Variants in ZNF385B observed in about 807,000 individuals in gnomAD.
ZNF385B encodes zinc finger protein 533.
Under a neutral mutation model 39.2 loss-of-function variants are expected in ZNF385B, and 23 were observed. The ratio of observed to expected loss-of-function variants is 0.59; its 90% CI spans 0.42 to 0.83. The LOEUF (loss-of-function observed/expected upper bound fraction) is 0.83, where lower values mean the gene tolerates loss of function less well. Among genes scored for constraint, ZNF385B ranks in the 40% least tolerant of loss-of-function variants. The probability of loss-of-function intolerance (pLI) is 0.00; values close to 1 mark genes in which losing one functional copy is unlikely to be tolerated. For missense variants in ZNF385B, 552 were observed against 598.9 expected (o/e 0.92, Z 0.82); for synonymous variants, 205 against 222.6 (o/e 0.92, Z 0.70).
intron 5 of ZNF385B, among the ~76,000 whole-genome samples, chr2:179,487,641 C>A (rs1313151556): frequency 2.6e-5 from 4 of 152,188 alleles, no homozygotes; most frequent in African/African-American, 4.8e-5. Flanking sequence ...TGTGACACTT[C>A]TAAGAGACTA....
At chr2:179,510,556 A>G (rs957628577) in intron 5 of ZNF385B, among the ~76,000 whole-genome samples, 1 of 152,156 alleles carries the variant, frequency 6.6e-6, no homozygotes, top group Non-Finnish European at 1.5e-5. Flanking sequence ...TTATTTTTTA[A>G]ATAGTATGTT....
intron 3 of ZNF385B, among the ~76,000 whole-genome samples, chr2:179,763,190 T>C (rs2129160): frequency 0.98 from 149,009 of 152,296 alleles, 72,983 homozygotes; most frequent in Middle Eastern, 1. Context: ...AGGGGTGAGC[T>C]GCCACACCTG....
chr2:179,732,725 G>C (rs1463290809), intron 3 of ZNF385B, among the ~76,000 whole-genome samples: 1 of 152,160 alleles, frequency 6.6e-6, no homozygotes, highest in African/African-American at 2.4e-5. Flanking sequence ...ATCTCATCAT[G>C]ATTCTGTATT....
intron 3 of ZNF385B, among the ~76,000 whole-genome samples, chr2:179,691,605 C>T (rs1009668515): frequency 6.6e-5 from 10 of 152,174 alleles, no homozygotes; most frequent in African/African-American, 2.2e-4. Flanking sequence ...TTATTTTCCT[C>T]ATCGCATATC....
At chr2:179,800,609 G>T (rs1173835288) in intron 1 of ZNF385B, among the ~76,000 whole-genome samples, 1 of 151,940 alleles carries the variant, frequency 6.6e-6, no homozygotes, top group African/African-American at 2.4e-5. Flanking sequence ...ATTAAATCTT[G>T]CATGCTGCCA....
chr2:179,594,654 T>C (rs964066266), intron 3 of ZNF385B, among the ~76,000 whole-genome samples: 2 of 152,186 alleles, frequency 1.3e-5, no homozygotes, highest in African/African-American at 4.8e-5. Context: ...TTTTTGACAC[T>C]AGTATTTTTG....
intron 4 of ZNF385B, among the ~76,000 whole-genome samples, chr2:179,521,167 GT>G (rs1178843521): frequency 2.0e-5 from 2 of 97,892 alleles, no homozygotes; most frequent in East Asian, 3.4e-4. Flanking sequence ...TCCTAATACA[GT>G]TTTTTTTGTT....
chr2:179,722,581 T>G (rs1700762764), intron 3 of ZNF385B, among the ~76,000 whole-genome samples: 1 of 152,088 alleles, frequency 6.6e-6, no homozygotes, highest in Non-Finnish European at 1.5e-5. Flanking sequence ...ACAAAAACAG[T>G]TACTGGTAAA....
At chr2:179,799,850 G>A (rs1041525018) in intron 1 of ZNF385B, among the ~76,000 whole-genome samples, 5 of 152,050 alleles carry the variant, frequency 3.3e-5, no homozygotes, top group South Asian at 2.1e-4. Context: ...TGATGGTAAC[G>A]TCAACTGTGA....
intron 3 of ZNF385B, among the ~76,000 whole-genome samples, chr2:179,691,381 A>G (rs1698340271): frequency 6.6e-6 from 1 of 152,186 alleles, no homozygotes; most frequent in Non-Finnish European, 1.5e-5. Flanking sequence ...AAGAAGAAAT[A>G]TCTAAATGTC....
At chr2:179,744,236 A>T (rs1702244332) in intron 3 of ZNF385B, among the ~76,000 whole-genome samples, 1 of 152,106 alleles carries the variant, frequency 6.6e-6, no homozygotes. Flanking sequence ...AGAAATGACA[A>T]TGCATCTAGA....
At chr2:179,765,222 C>T (rs1352484501) in intron 3 of ZNF385B, among the ~76,000 whole-genome samples, 1 of 152,168 alleles carries the variant, frequency 6.6e-6, no homozygotes, top group Non-Finnish European at 1.5e-5. Flanking sequence ...TCTCAAAGCT[C>T]CAAGATTCAT....
intron 5 of ZNF385B, among the ~76,000 whole-genome samples, chr2:179,495,074 C>G (rs547035679): frequency 1.1e-4 from 16 of 152,112 alleles, no homozygotes; most frequent in Non-Finnish European, 2.2e-4. Flanking sequence ...GTCCCCAGAT[C>G]CAGGACTGGA....
intron 3 of ZNF385B, among the ~76,000 whole-genome samples, chr2:179,712,139 T>G (rs1700044863): frequency 1.3e-5 from 2 of 152,144 alleles, no homozygotes; most frequent in African/African-American, 2.4e-5. Flanking sequence ...AATCTTACAC[T>G]AATTCAACTA....
intron 3 of ZNF385B, among the ~76,000 whole-genome samples, chr2:179,760,499 G>C (rs997914405): frequency 2.0e-5 from 3 of 152,146 alleles, no homozygotes; most frequent in African/African-American, 7.2e-5. Flanking sequence ...GTTGTTGCAT[G>C]TATCAAGGGT....
chr2:179,690,192 G>A (rs1356396354), intron 3 of ZNF385B, among the ~76,000 whole-genome samples: 5 of 152,074 alleles, frequency 3.3e-5, no homozygotes, highest in Admixed American at 2.0e-4. Flanking sequence ...GGAGTGTGTC[G>A]CCTTCCTAGA....
chr2:179,630,015 G>A (rs1464068720), intron 3 of ZNF385B, among the ~76,000 whole-genome samples: 1 of 152,252 alleles, frequency 6.6e-6, no homozygotes, highest in Non-Finnish European at 1.5e-5. Context: ...TGGCCAAGAA[G>A]CTCAAACTGG....
At chr2:179,661,684 G>T (rs1049251020) in intron 3 of ZNF385B, among the ~76,000 whole-genome samples, 2 of 152,146 alleles carry the variant, frequency 1.3e-5, no homozygotes, top group African/African-American at 4.8e-5. Flanking sequence ...ATATTAATTA[G>T]AATCTAAGAC....
chr2:179,461,016 T>A (rs1280739050), intron 6 of ZNF385B, among the ~76,000 whole-genome samples: 3 of 152,138 alleles, frequency 2.0e-5, no homozygotes, highest in Admixed American at 1.3e-4. Context: ...TTAACAGATA[T>A]GTGAATGAAA....
Sources: gnomAD v4.1 joint callset for allele counts (sites outside exome capture counted in the v4.1 genomes callset) on GRCh38, gnomAD v4.1.1 for gene constraint, MANE v1.5 for transcripts, NCBI Gene and HGNC (gene_info 2026-07-23, HGNC 2026-07-21) for gene names.